TUT7: variants seen among roughly 807,000 people sequenced by gnomAD.
TUT7 encodes the protein terminal uridylyl transferase 7.
A neutral mutation model predicts 165.9 loss-of-function variants in TUT7; 33 were observed. The ratio of observed to expected loss-of-function variants is 0.20; its 90% CI spans 0.15 to 0.27. TUT7 has a LOEUF of 0.27. Ranked by LOEUF, TUT7 falls within the 10% of genes least tolerant of loss-of-function variation. The pLI, the probability that TUT7 is intolerant of heterozygous loss-of-function variation, is 1.00. For missense variants in TUT7, 1,338 were observed against 1,762.3 expected (o/e 0.76, Z 4.31); for synonymous variants, 552 against 608.1 (o/e 0.91, Z 1.36).
intron 6 of TUT7, 87 bp from the exon 7 acceptor site, chr9:86,341,140 C>A (rs1444507409): frequency 4.5e-6 from 5 of 1,110,198 alleles, no homozygotes; most frequent in Non-Finnish European, 5.4e-6. Context: ...TCCCCAAATT[C>A]CTTTCTAAAT....
In TUT7 at chr9:86,288,580, G is replaced by T; in HGVS notation, c.*97C>A. 2 of 804,464 alleles carry T rather than the reference G, an allele frequency of 2.5e-6. No individual in the cohort carries two copies. The highest frequency in any genetic ancestry group is 3.8e-6 in the Non-Finnish European group (2 of 527,498). The allele number at this position is 804,464 out of a possible 1,614,324, so 49.8% of individuals were successfully genotyped here. Reference sequence around the variant, plus strand: ...CATTTCCCTTAAATGTTAAGTTGAAGCCTGATCTACACTGCTGTGTCCTGT... The same window carrying T: ...CATTTCCCTTAAATGTTAAGTTGAATCCTGATCTACACTGCTGTGTCCTGT... On this transcript the variant is annotated 3_prime_UTR_variant, in exon 27 of 27. Transcript: ENST00000375963.
chr9:86,294,304 A>G (rs1587841508), intron 26 of TUT7, among the ~76,000 whole-genome samples: 1 of 150,510 alleles, frequency 6.6e-6, no homozygotes, highest in Non-Finnish European at 1.5e-5. Flanking sequence ...AACCCAGAGA[A>G]GAGGAGAGGC....
At chr9:86,337,139 G>A (rs1268307474) in intron 10 of TUT7, 4 of 230,948 alleles carry the variant, frequency 1.7e-5, no homozygotes, top group Non-Finnish European at 2.6e-5. Flanking sequence ...AAATTTACAG[G>A]GTCAGTCTCT....
intron 3 of TUT7, among the ~76,000 whole-genome samples, chr9:86,346,025 T>C (rs1430830427): frequency 1.3e-5 from 2 of 152,192 alleles, no homozygotes; most frequent in African/African-American, 4.8e-5. Flanking sequence ...TAACTGGGGC[T>C]ACAGGCATGC....
intron 26 of TUT7, among the ~76,000 whole-genome samples, chr9:86,289,449 G>A (rs1346441817): frequency 4.6e-5 from 7 of 152,138 alleles, no homozygotes; most frequent in Admixed American, 4.6e-4. Flanking sequence ...AAGTAATTTT[G>A]GAGGGGAAGA....
chr9:86,345,652 G>A lies in TUT7; in HGVS notation c.819+17C>T, dbSNP rs1489711974. ...ACTAACAAGTAAGCAGACTTGTTTGGGTTACATTCAATTTACCTTAATGTT... is the reference window on the plus strand; with the variant it reads ...ACTAACAAGTAAGCAGACTTGTTTGAGTTACATTCAATTTACCTTAATGTT... On this transcript the variant is annotated intron_variant, in intron 4 of 26. Transcript: ENST00000375963. 1 of 1,557,002 alleles carries A rather than the reference G, an allele frequency of 6.4e-7. No homozygotes were observed. The highest frequency in any genetic ancestry group is 8.8e-7 in the Non-Finnish European group (1 of 1,130,172).
intron 26 of TUT7, among the ~76,000 whole-genome samples, chr9:86,293,582 A>G (rs1826055854): frequency 6.6e-6 from 1 of 152,244 alleles, no homozygotes; most frequent in South Asian, 2.1e-4. Flanking sequence ...GGTATGGGAA[A>G]CAATGTCACT....
chr9:86,298,078 T>A (rs538548987), intron 26 of TUT7, among the ~76,000 whole-genome samples: 1 of 152,240 alleles, frequency 6.6e-6, no homozygotes, highest in East Asian at 1.9e-4. Context: ...TTTGTTTCAT[T>A]TGATTCTTTG....
At chr9:86,333,266 C>A (rs1830482458) in intron 10 of TUT7, among the ~76,000 whole-genome samples, 1 of 152,122 alleles carries the variant, frequency 6.6e-6, no homozygotes, top group Admixed American at 6.6e-5. Flanking sequence ...CCCACACAGG[C>A]CTGGTTTAGG....
intron 14 of TUT7, 142 bp from the exon 15 acceptor site, chr9:86,319,812 T>C (rs1249171632): frequency 5.8e-5 from 37 of 642,210 alleles, no homozygotes; most frequent in Non-Finnish European, 9.1e-5. Context: ...TCTCAGTAGA[T>C]AGCATTAACA....
chr9:86,307,995 A>G (rs1413129977), intron 22 of TUT7, among the ~76,000 whole-genome samples: 2 of 152,214 alleles, frequency 1.3e-5, no homozygotes, highest in East Asian at 3.8e-4. Flanking sequence ...ACTCCATCTC[A>G]AAAACTAAAA....
chr9:86,322,639 T>C (rs576274644), intron 13 of TUT7, among the ~76,000 whole-genome samples, 164 bp from the exon 14 acceptor site: 4 of 152,316 alleles, frequency 2.6e-5, no homozygotes, highest in East Asian at 3.9e-4. Flanking sequence ...GGACATCCTA[T>C]AGTATCATTA....
intron 26 of TUT7, chr9:86,298,863 G>A (rs534165568): frequency 5.2e-6 from 5 of 954,806 alleles, no homozygotes; most frequent in South Asian, 9.7e-5. Context: ...TTACAAAATC[G>A]AAAGGAAGAG....
chr9:86,343,213 A>T, intron 5 of TUT7, 50 bp from the exon 6 acceptor site: 1 of 1,189,980 alleles, frequency 8.4e-7, no homozygotes, highest in Non-Finnish European at 1.1e-6. Flanking sequence ...AGAATTTCTC[A>T]AAAGTTATAA....
chr9:86,295,890 A>C (rs1341578283), intron 26 of TUT7, among the ~76,000 whole-genome samples: 5 of 152,174 alleles, frequency 3.3e-5, no homozygotes, highest in African/African-American at 9.7e-5. Context: ...TCTTTACCAA[A>C]AAAAGGGTAG....
At chr9:86,336,469 GA>G (rs374207742) in intron 10 of TUT7, among the ~76,000 whole-genome samples, 10 of 152,276 alleles carry the variant, frequency 6.6e-5, no homozygotes, top group African/African-American at 2.2e-4. Flanking sequence ...TTTTCTAAGT[GA>G]GTTATTCTAC....
At chr9:86,327,925 T>G (rs146128646) in intron 11 of TUT7, among the ~76,000 whole-genome samples, 176 of 152,336 alleles carry the variant, frequency 1.2e-3, no homozygotes, top group African/African-American at 3.9e-3. Context: ...GGCTATTCTT[T>G]CCTTGTGCAT....
rs757180847 is a variant in TUT7, at chr9:86,301,445, T to G, written c.4251A>C (p.Lys1417Asn). Residue 1417 changes from lysine (K) to asparagine (N), a missense_variant, in exon 26 of 27, where the codon AAA (lysine) becomes AAC (asparagine). Lys to Asn is a moderately conservative substitution (Grantham distance 94). Around this residue, in one of 7 missense-constraint regions of TUT7, gnomAD observed 167 missense variants for 204.9 expected, o/e 0.82. Transcript: ENST00000375963. The part of the protein sequence containing the change: ...EDKPIQCTPQ[K>N]AKPMRAAADL... ...CAGCAGCTGCCCGCATTGGCTTGGC[T>G]TTCTGAGGTGTGCACTGTATGGGCT... 4.3e-6 allele frequency: 7 copies of G among 1,614,120 alleles called. No homozygotes were observed. The highest frequency in any genetic ancestry group is 5.9e-6 in the Non-Finnish European group (7 of 1,180,050).
At chr9:86,327,319 T>C (rs1829879127) in intron 11 of TUT7, among the ~76,000 whole-genome samples, 1 of 152,302 alleles carries the variant, frequency 6.6e-6, no homozygotes, top group Admixed American at 6.5e-5. Context: ...CAGAGAACAT[T>C]TTCTTTTTCA....
Sources: gnomAD v4.1 joint callset for allele counts (sites outside exome capture counted in the v4.1 genomes callset) on GRCh38, gnomAD v4.1.1 for gene constraint, gnomAD v4.1.1 regional missense constraint, MANE v1.5 for transcripts, NCBI Gene and HGNC (gene_info 2026-07-23, HGNC 2026-07-21) for gene names.